Variants in DNAJC6 observed in about 807,000 individuals in gnomAD.
The protein encoded by DNAJC6 is DnaJ heat shock protein family (Hsp40) member C6.
A neutral mutation model predicts 110.0 loss-of-function variants in DNAJC6; 34 were observed. That is an observed-to-expected ratio of 0.31 (90% CI 0.24 to 0.41). The LOEUF (loss-of-function observed/expected upper bound fraction) is 0.41. Among genes scored for constraint, DNAJC6 ranks in the 10% least tolerant of loss-of-function variants. The pLI, the probability that DNAJC6 is intolerant of heterozygous loss-of-function variation, is 1.00. For synonymous variants in DNAJC6, 406 were observed against 437.2 expected, an observed-to-expected ratio of 0.93 and a Z score of 0.89; for missense variants, 1,031 against 1,207.8, an observed-to-expected ratio of 0.85 and a Z score of 2.17.
At position 65,394,930 on chromosome 1, in the gene DNAJC6, A is replaced by C; in HGVS notation, c.1936A>C (p.Lys646Gln). 8 of 1,609,332 alleles carry C rather than the reference A, an allele frequency of 5.0e-6. No homozygotes were observed. Among genetic ancestry groups the C allele is most frequent in the Non-Finnish European group, 6.8e-6 (8 of 1,178,512 alleles). The change falls in exon 13 of 19, where the codon AAA becomes CAA. Residue 646 changes from lysine to glutamine, a missense_variant. Lys to Gln is a moderately conservative substitution (Grantham distance 53). Coordinates refer to ENST00000371069, the MANE Select transcript of DNAJC6 (RefSeq NM_001256864.2). Reference sequence around the variant, plus strand: ...CTTTGACCCATTTGGAGCACCTTCTAAACCATCAGGTCAGGATTTGCTGGG... The same window carrying C: ...CTTTGACCCATTTGGAGCACCTTCTCAACCATCAGGTCAGGATTTGCTGGG... ...ATFDPFGAPS[K>Q]PSGQDLLGSF...
chr1:65,379,314 C>T, intron 4 of DNAJC6, 88 bp from the exon 5 acceptor site: 1 of 1,529,144 alleles, frequency 6.5e-7, no homozygotes, highest in Non-Finnish European at 8.9e-7. Flanking sequence ...TGTGGTATCA[C>T]TTCCAGAAGA....
In DNAJC6 at chr1:65,388,369, C is replaced by T; in HGVS notation, c.1147C>T (p.His383Tyr). The change falls in exon 9 of 19, where the codon CAC becomes TAC. Residue 383 changes from histidine (H) to tyrosine (Y), a missense_variant. Transcript: ENST00000371069. ...TNTQIFQLQFHTGFIPLDTTV... is the reference protein window; with the variant it reads ...TNTQIFQLQFYTGFIPLDTTV... Reference sequence around the variant, plus strand: ...CACACAGATATTCCAGCTTCAGTTTCACACTGGATTCATACCACTGGACAC... The same window carrying T: ...CACACAGATATTCCAGCTTCAGTTTTACACTGGATTCATACCACTGGACAC... The T allele has an allele frequency of 6.2e-7, 1 of 1,614,102 alleles. No homozygotes were observed. The highest frequency in any genetic ancestry group is 8.5e-7 in the Non-Finnish European group (1 of 1,179,996).
At chr1:65,265,510 C>T (rs11800147) in intron 1 of DNAJC6, among the ~76,000 whole-genome samples, 3 of 152,152 alleles carry the variant, frequency 2.0e-5, no homozygotes, top group African/African-American at 7.2e-5. Flanking sequence ...CACCTTACCT[C>T]CCCCTCACCT....
intron 13 of DNAJC6, 33 bp from the exon 14 acceptor site, chr1:65,398,780 T>A: frequency 6.2e-7 from 1 of 1,612,798 alleles, no homozygotes; most frequent in Non-Finnish European, 8.5e-7. Flanking sequence ...TGAGCTCTCT[T>A]GTTCTCATTC....
chr1:65,407,199 A>G (rs924748029), intron 16 of DNAJC6, among the ~76,000 whole-genome samples: 5 of 152,070 alleles, frequency 3.3e-5, no homozygotes, highest in African/African-American at 7.2e-5. Flanking sequence ...TAGCACATCT[A>G]TGTTGTATTC....
chr1:65,403,873 C>T (rs1164243693), intron 15 of DNAJC6, among the ~76,000 whole-genome samples: 4 of 152,134 alleles, frequency 2.6e-5, no homozygotes, highest in Non-Finnish European at 5.9e-5. Context: ...GCTTTTTCAC[C>T]ACTGTATCTG....
intron 1 of DNAJC6, among the ~76,000 whole-genome samples, chr1:65,275,666 T>C (rs1391453508): frequency 6.6e-6 from 1 of 152,112 alleles, no homozygotes; most frequent in Admixed American, 6.5e-5. Context: ...TTTGTTCCTT[T>C]CTCTCTTTCT....
chr1:65,371,554 A>G (rs1645706251), intron 4 of DNAJC6, among the ~76,000 whole-genome samples: 1 of 152,226 alleles, frequency 6.6e-6, no homozygotes, highest in Non-Finnish European at 1.5e-5. Flanking sequence ...TGTGTGATTC[A>G]TAAAACACTA....
intron 1 of DNAJC6, among the ~76,000 whole-genome samples, chr1:65,310,655 G>A (rs1645090621): frequency 1.3e-5 from 2 of 152,230 alleles, no homozygotes; most frequent in South Asian, 4.1e-4. Context: ...TTTGTATCGG[G>A]GCTTGCAACT....
At chr1:65,332,618 C>G (rs1198777889) in intron 1 of DNAJC6, among the ~76,000 whole-genome samples, 1 of 152,158 alleles carries the variant, frequency 6.6e-6, no homozygotes, top group African/African-American at 2.4e-5. Flanking sequence ...GTCAAATATA[C>G]TTTGCTTAGG....
intron 1 of DNAJC6, among the ~76,000 whole-genome samples, chr1:65,301,025 A>G (rs1644973690): frequency 6.6e-6 from 1 of 152,222 alleles, no homozygotes; most frequent in African/African-American, 2.4e-5. Context: ...AGGATTTAGG[A>G]AAACTTTCAC....
At chr1:65,395,784 GTTAGAGAC>G (rs1645971076) in intron 13 of DNAJC6, among the ~76,000 whole-genome samples, 1 of 152,168 alleles carries the variant, frequency 6.6e-6, no homozygotes, top group South Asian at 2.1e-4. Context: ...ATATTTCTAT[GTTAGAGAC>G]TTAGGTTGTA....
At chr1:65,388,999 C>T (rs1645898473) in intron 9 of DNAJC6, among the ~76,000 whole-genome samples, 1 of 152,228 alleles carries the variant, frequency 6.6e-6, no homozygotes, top group African/African-American at 2.4e-5. Flanking sequence ...GTGCCAGTCA[C>T]ATCAGCCCTG....
chr1:65,282,252 A>C (rs1653876813), intron 1 of DNAJC6, among the ~76,000 whole-genome samples: 1 of 152,164 alleles, frequency 6.6e-6, no homozygotes, highest in Non-Finnish European at 1.5e-5. Context: ...ATTTTAGAAA[A>C]AATTTTTTTC....
In DNAJC6 at chr1:65,343,135, C is replaced by T. The variant is rs189589138; in HGVS notation, c.194-21500C>T. On this transcript the variant is annotated intron_variant, in intron 1 of 18. Transcript: ENST00000371069. ...TACCACCCAGTTCTGTGAGGAAACA[C>T]CATAATATCTTGGCTCTAGTATGTA... is the stretch of plus-strand genomic sequence containing the variant. 2.2e-3 allele frequency among the ~76,000 whole-genome samples: 329 copies of T among 152,318 alleles called. 2 individuals carry two copies. Among genetic ancestry groups the T allele is most frequent in the African/African-American group, 7.6e-3 (316 of 41,580 alleles).
At chr1:65,332,541 C>T (rs1354526570) in intron 1 of DNAJC6, among the ~76,000 whole-genome samples, 1 of 152,328 alleles carries the variant, frequency 6.6e-6, no homozygotes, top group South Asian at 2.1e-4. Flanking sequence ...AATGACTCCC[C>T]TCCCCTGAAT....
chr1:65,374,831 C>T (rs1429884142), intron 4 of DNAJC6, among the ~76,000 whole-genome samples: 9 of 151,994 alleles, frequency 5.9e-5, no homozygotes, highest in Non-Finnish European at 1.0e-4. Context: ...ATAATAGTGG[C>T]GAAAGTGGGT....
At chr1:65,366,936 C>A (rs924512633) in intron 4 of DNAJC6, among the ~76,000 whole-genome samples, 2 of 152,124 alleles carry the variant, frequency 1.3e-5, no homozygotes, top group African/African-American at 4.8e-5. Context: ...AGCTGGTTGA[C>A]AATGCTGTGT....
chr1:65,392,310 A>T lies in DNAJC6; in HGVS notation c.1469-121A>T, dbSNP rs569612240. On this transcript the variant is annotated intron_variant, in intron 11 of 18. Transcript: ENST00000371069. ...AGTGTTCCACTGATTAGGGTCTAAA[A>T]ACACTGTTTGCTCAGGGCTGAATCC... 9.2e-5 allele frequency: 89 copies of T among 964,790 alleles called. No homozygotes were observed. The South Asian group carries it at 1.5e-3, about 16-fold the overall frequency. The allele number at this position is 964,790 out of a possible 1,614,324, so 59.8% of individuals were successfully genotyped here. A position where few individuals can be genotyped will look rare whatever the true frequency, so the allele number is the denominator to read the frequency against.
Sources: allele counts gnomAD v4.1 joint callset (sites outside exome capture counted in the v4.1 genomes callset), GRCh38; gene constraint gnomAD v4.1.1; transcripts MANE v1.5; gene names NCBI Gene and HGNC (gene_info 2026-07-23, HGNC 2026-07-21).